The following DUSP11 variants were observed in gnomAD, a reference collection of about 807,000 sequenced individuals.
DUSP11 encodes the protein dual specificity phosphatase 11, also known as RNA/RNP complex-1-interacting phosphatase.
DUSP11 carries 27 observed loss-of-function variants against 41.4 expected under a neutral mutation model. That is an observed-to-expected ratio of 0.65 (90% CI 0.48 to 0.90). The LOEUF is 0.90. Among genes scored for constraint, DUSP11 ranks in the 40% least tolerant of loss-of-function variants. The probability of loss-of-function intolerance (pLI) is 0.00; values close to 1 mark genes in which losing one functional copy is unlikely to be tolerated. For missense variants in DUSP11, 465 were observed against 461.1 expected (o/e 1.01, Z -0.08); for synonymous variants, 188 against 159.3 (o/e 1.18, Z -1.35).
chr2:73,778,111 G>A (rs1419032920), intron 2 of DUSP11, among the ~76,000 whole-genome samples, 190 bp downstream of exon 2: 2 of 151,934 alleles, frequency 1.3e-5, no homozygotes, highest in African/African-American at 4.8e-5. Flanking sequence ...TAGTTAGGGT[G>A]TTAATTGGTA....
chr2:73,771,862 C>G (rs1473194571), intron 4 of DUSP11, among the ~76,000 whole-genome samples: 2 of 147,990 alleles, frequency 1.4e-5, no homozygotes, highest in African/African-American at 2.5e-5. Flanking sequence ...GCTCTGTCCC[C>G]CAGGCTGGAG....
intron 8 of DUSP11, among the ~76,000 whole-genome samples, chr2:73,763,343 C>T (rs1672396034): frequency 6.6e-6 from 1 of 152,180 alleles, no homozygotes; most frequent in South Asian, 2.1e-4. Context: ...AAACTTTAAG[C>T]ATGGTATATG....
chr2:73,770,213 A>G (rs1241224052), intron 4 of DUSP11, among the ~76,000 whole-genome samples: 2 of 151,228 alleles, frequency 1.3e-5, no homozygotes, highest in African/African-American at 2.4e-5. Flanking sequence ...AAAGAAAGAA[A>G]AGAAAAAAAG....
intron 1 of DUSP11, among the ~76,000 whole-genome samples, chr2:73,778,801 C>T (rs1672734047): frequency 6.6e-6 from 1 of 152,154 alleles, no homozygotes; most frequent in African/African-American, 2.4e-5. Context: ...ACTTCAAGTT[C>T]ATATTTTAAG....
chr2:73,769,454 C>T, intron 4 of DUSP11, 129 bp from the exon 5 acceptor site: 5 of 708,758 alleles, frequency 7.1e-6, no homozygotes, highest in Non-Finnish European at 1.1e-5. Flanking sequence ...AAAGAATCAT[C>T]TAACAGAAAG....
At chr2:73,767,473 G>T in intron 5 of DUSP11, 1 of 313,612 alleles carries the variant, frequency 3.2e-6, no homozygotes, top group Non-Finnish European at 5.7e-6. Flanking sequence ...GAAAGAAAAT[G>T]CAGAATCATT....
intron 8 of DUSP11, among the ~76,000 whole-genome samples, chr2:73,764,968 A>G (rs911260510): frequency 2.0e-5 from 3 of 152,052 alleles, no homozygotes; most frequent in African/African-American, 7.2e-5. Flanking sequence ...TCTGTCACCA[A>G]AAAAAAAGCA....
In DUSP11 at chr2:73,778,291, T is replaced by C. The variant is rs1672722870; in HGVS notation, c.318+10A>G. 6.4e-7 allele frequency: 1 copy of C among 1,573,312 alleles called. No individual in the cohort carries two copies. Among genetic ancestry groups the C allele is most frequent in the East Asian group, 2.4e-5 (1 of 41,784 alleles). The stretch of plus-strand genomic sequence containing the variant: ...ATGCCTGAAAGAATACTGAATTAAC[T>C]TTTGCTTACCTTTTGCAAAGGAACT... On this transcript the variant is annotated intron_variant, in intron 2 of 8. Coordinates refer to ENST00000272444, the Ensembl canonical transcript of DUSP11.
intron 5 of DUSP11, chr2:73,767,624 T>C (rs1672491352): frequency 6.4e-6 from 1 of 156,346 alleles, no homozygotes; most frequent in African/African-American, 2.4e-5. Flanking sequence ...ACCAACAGAA[T>C]GGGCCAGAAA....
chr2:73,773,795 C>T lies in DUSP11; in HGVS notation c.574+5G>A, dbSNP rs1672630017. ...ACCACAGTTCAGGTAAGAACAAAAACTCACCATTATCTTTATTTTCTTTCA... is the reference window on the plus strand; with the variant it reads ...ACCACAGTTCAGGTAAGAACAAAAATTCACCATTATCTTTATTTTCTTTCA... On this transcript the variant is annotated splice_donor_5th_base_variant and intron_variant, in intron 4 of 8. Coordinates refer to ENST00000272444, the Ensembl canonical transcript of DUSP11. 2 of 1,602,584 alleles carry T rather than the reference C, an allele frequency of 1.2e-6. No homozygotes were observed. The highest frequency in any genetic ancestry group is 2.2e-5 in the East Asian group (1 of 44,590).
Position 73,776,319 on chromosome 2 carries a change from G to T in DUSP11, c.319-1275C>A, listed in dbSNP as rs1672685024. 2.0e-5 allele frequency among the ~76,000 whole-genome samples: 3 copies of T among 149,792 alleles called. No individual in the cohort carries two copies. The South Asian group carries it at 6.3e-4, about 31-fold the overall frequency. On this transcript the variant is annotated intron_variant, in intron 2 of 8. Transcript: ENST00000272444. ...AGTTCCAGCTACTCAGGAGGCAGAGGCAGGAGAATGGCGTGAACCCAGGAG... is the reference window on the plus strand; with the variant it reads ...AGTTCCAGCTACTCAGGAGGCAGAGTCAGGAGAATGGCGTGAACCCAGGAG...
intron 8 of DUSP11, among the ~76,000 whole-genome samples, chr2:73,764,181 A>C (rs575766686): frequency 2.8e-4 from 42 of 152,352 alleles, no homozygotes; most frequent in Admixed American, 1.2e-3. Context: ...AAGTATTTTT[A>C]TGGCTCTTGA....
chr2:73,766,442 G>A, exon 8 of DUSP11: 1 of 1,612,424 alleles, frequency 6.2e-7, no homozygotes, highest in Non-Finnish European at 8.5e-7. Context: ...CAAACTTTGG[G>A]TCTGGGTGTG....
intron 2 of DUSP11, among the ~76,000 whole-genome samples, chr2:73,775,772 T>C (rs923236993): frequency 7.0e-6 from 1 of 143,478 alleles, no homozygotes; most frequent in Non-Finnish European, 1.5e-5. Context: ...GAGAATGGCG[T>C]GAACCCGGGA....
chr2:73,778,026 G>C (rs949360410), intron 2 of DUSP11, among the ~76,000 whole-genome samples: 1 of 151,744 alleles, frequency 6.6e-6, no homozygotes, highest in Non-Finnish European at 1.5e-5. Flanking sequence ...TTTTAATGTA[G>C]TCATGTCCAA....
chr2:73,770,344 A>C (rs1165378299), intron 4 of DUSP11, among the ~76,000 whole-genome samples: 3 of 151,542 alleles, frequency 2.0e-5, no homozygotes, highest in Admixed American at 6.6e-5. Context: ...GTGAAACCCC[A>C]TCTCTACTAA....
chr2:73,780,136 G>T, exon 1 of DUSP11: 8 of 1,552,376 alleles, frequency 5.2e-6, no homozygotes, highest in Non-Finnish European at 7.0e-6. Context: ...CGGTCGTGAT[G>T]GCGTAGCCAC....
In DUSP11 at chr2:73,776,789, T is replaced by C. The variant is rs138795230; in HGVS notation, c.318+1512A>G. ...TTATTTATTAGATGTAACCATCTAT[T>C]CTCTGAGCTTAGTGCAGAATAAGCA... On this transcript the variant is annotated intron_variant, in intron 2 of 8. Coordinates refer to ENST00000272444, the Ensembl canonical transcript of DUSP11. Among the ~76,000 whole-genome samples the C allele has an allele frequency of 8.5e-3, 1,301 of 152,354 alleles. 22 individuals carry two copies. Among genetic ancestry groups the C allele is most frequent in the African/African-American group, 0.03 (1,233 of 41,578 alleles).
At chr2:73,766,964 C>G in intron 6 of DUSP11, 61 bp from the exon 7 acceptor site, 1 of 1,468,650 alleles carries the variant, frequency 6.8e-7, no homozygotes, top group South Asian at 1.2e-5. Flanking sequence ...CCAGAAAAAG[C>G]AAATTAAGCT....
Sources: gnomAD v4.1 joint callset for allele counts (sites outside exome capture counted in the v4.1 genomes callset) on GRCh38, gnomAD v4.1.1 for gene constraint, MANE v1.5 for transcripts, NCBI Gene and HGNC (gene_info 2026-07-23, HGNC 2026-07-21) for gene names.